SLC1A1: variants seen among roughly 807,000 people sequenced by gnomAD.
The protein encoded by SLC1A1 is solute carrier family 1 member 1.
Under a neutral mutation model 53.3 loss-of-function variants are expected in SLC1A1, and 43 were observed. The ratio of observed to expected loss-of-function variants is 0.81; its 90% CI spans 0.63 to 1.04. The LOEUF (loss-of-function observed/expected upper bound fraction) is 1.04, where lower values mean the gene tolerates loss of function less well. Among genes scored for constraint, SLC1A1 ranks in the 50% least tolerant of loss-of-function variants. SLC1A1 has a pLI of 0.00. For synonymous variants in SLC1A1, 307 were observed against 243.2 expected, an observed-to-expected ratio of 1.26 and a Z score of -2.44; for missense variants, 748 against 664.9, an observed-to-expected ratio of 1.12 and a Z score of -1.37.
intron 1 of SLC1A1, among the ~76,000 whole-genome samples, chr9:4,497,575 T>G (rs1820477489): frequency 6.6e-6 from 1 of 152,184 alleles, no homozygotes; most frequent in Admixed American, 6.5e-5. Context: ...AGCCTAAAGC[T>G]TAAATCAAAC....
chr9:4,495,554 G>C (rs1054137324), intron 1 of SLC1A1, among the ~76,000 whole-genome samples: 1 of 152,162 alleles, frequency 6.6e-6, no homozygotes, highest in African/African-American at 2.4e-5. Flanking sequence ...GCCATACTGA[G>C]AAGGTGACAG....
chr9:4,581,796 T>G (rs1821124412), intron 10 of SLC1A1, among the ~76,000 whole-genome samples: 1 of 152,176 alleles, frequency 6.6e-6, no homozygotes, highest in African/African-American at 2.4e-5. Flanking sequence ...AATTTGGTGG[T>G]CAAAACCACT....
intron 1 of SLC1A1, among the ~76,000 whole-genome samples, chr9:4,517,606 A>T (rs576453104): frequency 6.3e-4 from 96 of 152,360 alleles, no homozygotes; most frequent in Admixed American, 1.6e-3. Flanking sequence ...CCAGAATGAA[A>T]GATGACAGCC....
intron 1 of SLC1A1, among the ~76,000 whole-genome samples, chr9:4,540,436 G>T (rs1457097650): frequency 6.6e-6 from 1 of 152,140 alleles, no homozygotes; most frequent in Non-Finnish European, 1.5e-5. Context: ...ACTGTCTCAT[G>T]CAAAAAGGCA....
At chr9:4,577,204 G>A (rs1157463314) in intron 10 of SLC1A1, among the ~76,000 whole-genome samples, 1 of 152,206 alleles carries the variant, frequency 6.6e-6, no homozygotes, top group East Asian at 1.9e-4. Context: ...TCCCAGAGGA[G>A]GGGAACATTT....
chr9:4,585,206 G>A (rs926317363), intron 11 of SLC1A1, 106 bp from the exon 12 acceptor site: 10 of 1,470,590 alleles, frequency 6.8e-6, no homozygotes, highest in Non-Finnish European at 8.5e-6. Context: ...AGCACTTTCT[G>A]CACTTACTGA....
chr9:4,508,237 G>A (rs966926295), intron 1 of SLC1A1, among the ~76,000 whole-genome samples: 1 of 152,162 alleles, frequency 6.6e-6, no homozygotes, highest in African/African-American at 2.4e-5. Flanking sequence ...AGAATAAAGA[G>A]AGTCAACCAC....
chr9:4,584,818 G>C (rs1016490449), intron 11 of SLC1A1, among the ~76,000 whole-genome samples: 1 of 152,072 alleles, frequency 6.6e-6, no homozygotes, highest in Non-Finnish European at 1.5e-5. Flanking sequence ...CATAAGTAGA[G>C]TGACCTAGAT....
intron 1 of SLC1A1, among the ~76,000 whole-genome samples, chr9:4,513,498 A>G (rs1193875182): frequency 6.6e-6 from 1 of 152,200 alleles, no homozygotes; most frequent in Non-Finnish European, 1.5e-5. Context: ...TTAAAACCAC[A>G]ATAAGATGCC....
intron 1 of SLC1A1, among the ~76,000 whole-genome samples, chr9:4,532,246 A>G (rs1816500160): frequency 6.6e-6 from 1 of 152,220 alleles, no homozygotes; most frequent in Non-Finnish European, 1.5e-5. Flanking sequence ...AGAAGGCTTC[A>G]GATGATCAAA....
At chr9:4,492,479 C>CAA (rs34199207) in intron 1 of SLC1A1, among the ~76,000 whole-genome samples, 16 of 96,334 alleles carry the variant, frequency 1.7e-4, no homozygotes, top group Admixed American at 2.1e-4. Flanking sequence ...AAGAATCCAC[C>CAA]AAAAAAAAAA....
chr9:4,528,329 T>C (rs943420047), intron 1 of SLC1A1, among the ~76,000 whole-genome samples: 8 of 152,120 alleles, frequency 5.3e-5, no homozygotes, highest in Admixed American at 1.3e-4. Flanking sequence ...TCCCAGCACT[T>C]TGGGAGGCCG....
chr9:4,494,557 A>G lies in SLC1A1; in HGVS notation c.91+3787A>G, dbSNP rs552564474. ...AGCTAATAACTGTCCCTGTAGTATT[A>G]TTCATTTCTTTAAAGAGGAAATGGA... On this transcript the variant is annotated intron_variant, in intron 1 of 11. Coordinates refer to ENST00000262352, the MANE Select transcript of SLC1A1 (RefSeq NM_004170.6). Among the ~76,000 whole-genome samples the G allele has an allele frequency of 4.6e-5, 7 of 152,176 alleles. No homozygotes were observed. In the South Asian group the frequency reaches 8.3e-4, roughly 18 times the overall value.
At chr9:4,519,064 G>A (rs1332663946) in intron 1 of SLC1A1, among the ~76,000 whole-genome samples, 1 of 152,170 alleles carries the variant, frequency 6.6e-6, no homozygotes, top group Non-Finnish European at 1.5e-5. Context: ...GATGTTTGCA[G>A]AACTGTTTAT....
intron 2 of SLC1A1, among the ~76,000 whole-genome samples, chr9:4,551,258 G>A (rs893667622): frequency 6.6e-6 from 1 of 152,090 alleles, no homozygotes; most frequent in Non-Finnish European, 1.5e-5. Flanking sequence ...AGAGGCAGCT[G>A]TGTATCTGGA....
chr9:4,496,722 CCT>C (rs1283146989), intron 1 of SLC1A1, among the ~76,000 whole-genome samples: 1 of 151,936 alleles, frequency 6.6e-6, no homozygotes, highest in African/African-American at 2.4e-5. Context: ...CAGCAGGACC[CCT>C]GTCTCTGCAA....
In SLC1A1 at chr9:4,531,188, G is replaced by A. The variant is rs549200444; in HGVS notation, c.92-13379G>A. ...ACTGAGATACCAGGTTCATCTCACTGGGGAGTGTCGGAAAGTGGGTGCAGG... is the reference window on the plus strand; with the variant it reads ...ACTGAGATACCAGGTTCATCTCACTAGGGAGTGTCGGAAAGTGGGTGCAGG... On this transcript the variant is annotated intron_variant, in intron 1 of 11. Coordinates refer to ENST00000262352, the MANE Select transcript of SLC1A1 (RefSeq NM_004170.6). Among the ~76,000 whole-genome samples the A allele has an allele frequency of 2.0e-5, 3 of 152,346 alleles. No individual in the cohort carries two copies. The South Asian group carries it at 6.2e-4, about 32-fold the overall frequency.
At chr9:4,503,021 C>A (rs1415987972) in intron 1 of SLC1A1, among the ~76,000 whole-genome samples, 1 of 151,786 alleles carries the variant, frequency 6.6e-6, no homozygotes, top group African/African-American at 2.4e-5. Flanking sequence ...TCACTGTTAT[C>A]CTGCCTATCC....
chr9:4,575,930 T>G (rs1820500955), intron 8 of SLC1A1, 71 bp from the exon 9 acceptor site: 1 of 1,556,392 alleles, frequency 6.4e-7, no homozygotes, highest in Admixed American at 1.7e-5. Context: ...TAAAAAGATG[T>G]TTGATAAAAG....
Sources: gnomAD v4.1 joint callset for allele counts (sites outside exome capture counted in the v4.1 genomes callset) on GRCh38, gnomAD v4.1.1 for gene constraint, MANE v1.5 for transcripts, NCBI Gene and HGNC (gene_info 2026-07-23, HGNC 2026-07-21) for gene names.